GFAP: variants seen among roughly 807,000 people sequenced by gnomAD.
GFAP encodes the protein intermediate filament protein.
GFAP carries 38 observed loss-of-function variants against 49.3 expected under a neutral mutation model. The observed-to-expected ratio is 0.77, with a 90% CI of 0.60 to 1.01. GFAP has a LOEUF of 1.01. GFAP is among the 50% of genes least tolerant of loss of function. The probability of loss-of-function intolerance (pLI) is 0.00; values close to 1 mark genes in which losing one functional copy is unlikely to be tolerated. For synonymous variants in GFAP, 222 were observed against 236.4 expected (o/e 0.94, Z 0.56); for missense variants, 463 against 579.1 (o/e 0.80, Z 2.06).
Position 44,915,105 on chromosome 17 carries a change from C to G in GFAP, c.382G>C (p.Asp128His). Residue 128 changes from aspartate (D) to histidine (H), a missense_variant, in exon 1 of 9, where the codon GAT (aspartate) becomes CAT (histidine). Coordinates refer to ENST00000588735, the MANE Select transcript of GFAP (RefSeq NM_002055.5). The surrounding 1 kb of genome is among the most constrained non-coding windows in gnomAD (Gnocchi z 4.1). ...CGGGCGCTGTTGGCGGTGAGTTGAT[C>G]GAGCCGCAGCCGCAGCTCTCGCAGC... ...AELRELRLRL[D>H]QLTANSARLE... The G allele has an allele frequency of 8.1e-6, 13 of 1,613,304 alleles. No homozygotes were observed. The highest frequency in any genetic ancestry group is 1.1e-5 in the Non-Finnish European group (13 of 1,179,936).
At chr17:44,907,756 C>T in intron 8 of GFAP, 2 of 556,124 alleles carry the variant, frequency 3.6e-6, no homozygotes, top group South Asian at 2.0e-5. Flanking sequence ...GAAGTGAAAG[C>T]TACTAACTTT....
In GFAP at chr17:44,904,417, G is replaced by A; in HGVS notation, c.*2930C>T. 1 of 1,542,526 alleles carries A rather than the reference G, an allele frequency of 6.5e-7. No homozygotes were observed. The highest frequency in any genetic ancestry group is 8.8e-7 in the Non-Finnish European group (1 of 1,140,964). On this transcript the variant is annotated 3_prime_UTR_variant, in exon 9 of 9. Transcript: ENST00000588735. ...GGCGCATCGGCCTCTGCTACCTGCA[G>A]AGCCCAGACCTCTCCCCACGCTACC...
In GFAP at chr17:44,904,024, G is replaced by C. The variant is rs2051607703; in HGVS notation, c.*3323C>G. 2 of 1,550,650 alleles carry C rather than the reference G, an allele frequency of 1.3e-6. No individual in the cohort carries two copies. The highest frequency in any genetic ancestry group is 4.9e-5 in the East Asian group (2 of 40,926). On this transcript the variant is annotated 3_prime_UTR_variant, in exon 9 of 9. Transcript: ENST00000588735. ...CCGAAGAGGTGCCAGCTGTAGTCTG[G>C]TTCTACCAAAAGCACCTAGGTAGCA...
At chr17:44,911,141 C>T in intron 6 of GFAP, 95 bp downstream of exon 6, 3 of 1,127,488 alleles carry the variant, frequency 2.7e-6, no homozygotes, top group Non-Finnish European at 4.0e-6. Flanking sequence ...GATCTGCACA[C>T]AAGGCTGAAA....
In GFAP at chr17:44,915,201, C is replaced by T. The variant is rs768288825; in HGVS notation, c.286G>A (p.Ala96Thr). 1.2e-6 allele frequency: 2 copies of T among 1,614,112 alleles called. No homozygotes were observed. Among genetic ancestry groups the T allele is most frequent in the Non-Finnish European group, 1.7e-6 (2 of 1,180,054 alleles). Residue 96 changes from alanine to threonine, a missense_variant, in exon 1 of 9, where the codon GCG becomes ACG. Ala to Thr is a moderately conservative substitution (Grantham distance 58). This residue lies in a region of GFAP where 362 missense variants were observed against 445.5 expected (regional missense o/e 0.81). Coordinates refer to ENST00000588735, the MANE Select transcript of GFAP (RefSeq NM_002055.5). This position sits in a 1 kb window ranked among gnomAD's most constrained non-coding sequence, Gnocchi z 4.1. ...KVRFLEQQNK[A>T]LAAELNQLRA... is the part of the protein sequence containing the mutation. ...AGCTGGTTCAGCTCAGCAGCCAGCG[C>T]CTTGTTTTGCTGTTCCAGGAAGCGA...
Position 44,905,174 on chromosome 17 carries a change from CAT to C in GFAP, c.*2171_*2172del, listed in dbSNP as rs2051636167. ...CCTGGGTTGGGACAGGTGGTAGGAA[CAT>C]GTGGACAAATCTGTTACAGCCTGCT... On this transcript the variant is annotated 3_prime_UTR_variant, in exon 9 of 9. Coordinates refer to ENST00000588735, the MANE Select transcript of GFAP (RefSeq NM_002055.5). 1.1e-6 allele frequency: 1 copy of C among 876,104 alleles called. No individual in the cohort carries two copies. Among genetic ancestry groups the C allele is most frequent in the Non-Finnish European group, 1.8e-6 (1 of 571,034 alleles). 54.3% of individuals were successfully genotyped at this position (876,104 alleles called of 1,614,324 possible). A position where few individuals can be genotyped will look rare whatever the true frequency, so the allele number is the denominator to read the frequency against.
chr17:44,910,417 CAG>C, intron 7 of GFAP, 196 bp downstream of exon 7: 1 of 1,594,500 alleles, frequency 6.3e-7, no homozygotes, highest in Non-Finnish European at 8.5e-7. Flanking sequence ...CCTAGCAGGA[CAG>C]GGGCAGCTGC....
At chr17:44,914,750 G>A (rs535419636) in intron 1 of GFAP, 5 of 517,444 alleles carry the variant, frequency 9.7e-6, no homozygotes, top group Non-Finnish European at 1.7e-5. Context: ...TGAAACACAG[G>A]GGCCCCGCTG....
intron 1 of GFAP, chr17:44,914,678 A>C: frequency 3.0e-6 from 1 of 329,718 alleles, no homozygotes; most frequent in Non-Finnish European, 5.7e-6. Flanking sequence ...CTCCTCCTTT[A>C]TATGGACACA....
Position 44,913,444 on chromosome 17 carries a change from G to A in GFAP, c.619-14C>T. 5 of 1,613,380 alleles carry A rather than the reference G, an allele frequency of 3.1e-6. No homozygotes were observed. Among genetic ancestry groups the A allele is most frequent in the Non-Finnish European group, 4.2e-6 (5 of 1,179,772 alleles). On this transcript the variant is annotated splice_polypyrimidine_tract_variant and intron_variant, in intron 3 of 8. Coordinates refer to ENST00000588735, the MANE Select transcript of GFAP (RefSeq NM_002055.5). ...TTCCCGAACCTCCTGACCAGGGTGA[G>A]AGAAGCGGTACCAGGGCTCAGGGTA...
rs983864291 is a variant in GFAP, at chr17:44,904,750, C to G, written c.*2597G>C. 8.4e-6 allele frequency: 13 copies of G among 1,550,520 alleles called. No homozygotes were observed. Among genetic ancestry groups the G allele is most frequent in the East Asian group, 2.4e-5 (1 of 40,936 alleles). On this transcript the variant is annotated 3_prime_UTR_variant, in exon 9 of 9. Coordinates refer to ENST00000588735, the MANE Select transcript of GFAP (RefSeq NM_002055.5). ...CCTGGGACAAAGACCGCCAGCACCT[C>G]TACCGCACACAGTACCTGAAGGGTG...
At position 44,915,354 on chromosome 17, in the gene GFAP, G is replaced by A; in HGVS notation, c.133C>T (p.Pro45Ser). 6.2e-7 allele frequency: 1 copy of A among 1,611,836 alleles called. No individual in the cohort carries two copies. Among genetic ancestry groups the A allele is most frequent in the Non-Finnish European group, 8.5e-7 (1 of 1,178,336 alleles). Residue 45 changes from proline (P) to serine (S), a missense_variant, in exon 1 of 9, where the codon CCA becomes TCA. Transcript: ENST00000588735. This position sits in a 1 kb window ranked among gnomAD's most constrained non-coding sequence, Gnocchi z 4.1. ...GAGAAATCCACCCGGGTCGGGAGTGGAGGGGGCATTCGAGCCAGGGAGAGG... is the reference window on the plus strand; with the variant it reads ...GAGAAATCCACCCGGGTCGGGAGTGAAGGGGGCATTCGAGCCAGGGAGAGG... ...TRLSLARMPP[P>S]LPTRVDFSLA...
chr17:44,911,431 C>A lies in GFAP; in HGVS notation c.932G>T (p.Arg311Leu). The A allele has an allele frequency of 1.2e-6, 2 of 1,610,894 alleles. No homozygotes were observed. Among genetic ancestry groups the A allele is most frequent in the African/African-American group, 2.7e-5 (2 of 75,018 alleles). Residue 311 changes from arginine to leucine, a missense_variant, in exon 6 of 9, where the codon CGC (arginine) becomes CTC (leucine). Coordinates refer to ENST00000588735, the MANE Select transcript of GFAP (RefSeq NM_002055.5). ...GTNESLERQM[R>L]EQEERHVREA... ...CCGCACGTGCCGCTCCTCCTGCTCG[C>A]GCATCTGCCTCTCCAGGGACTCGTT...
At chr17:44,911,848 G>A in intron 4 of GFAP, 51 bp from the exon 5 acceptor site, 1 of 1,585,376 alleles carries the variant, frequency 6.3e-7, no homozygotes, top group South Asian at 1.1e-5. Context: ...GGCAGGCACG[G>A]GCTCTGGGAA....
In GFAP at chr17:44,903,202, C is replaced by G. The variant is rs895306358; in HGVS notation, c.*4145G>C. ...ATCTTTATGGTAAACAAACACTGAT[C>G]TCCACAGCTCTTAACAAGAATGTTT... is the stretch of plus-strand genomic sequence containing the variant. On this transcript the variant is annotated 3_prime_UTR_variant, in exon 9 of 9. Coordinates refer to ENST00000588735, the MANE Select transcript of GFAP (RefSeq NM_002055.5). 2.4e-6 allele frequency: 3 copies of G among 1,264,124 alleles called. No individual in the cohort carries two copies. In the African/African-American group the frequency reaches 4.6e-5, roughly 19 times the overall value. The allele number at this position is 1,264,124 out of a possible 1,614,324, so 78.3% of individuals were successfully genotyped here. A position where few individuals can be genotyped will look rare whatever the true frequency, so the allele number is the denominator to read the frequency against.
At chr17:44,910,821 G>A in intron 6 of GFAP, 163 bp from the exon 7 acceptor site, 1 of 984,956 alleles carries the variant, frequency 1.0e-6, no homozygotes, top group Non-Finnish European at 1.5e-6. Context: ...GCTATCTGGA[G>A]TTCCAAACGT....
rs1278363777 is a variant in GFAP, at chr17:44,905,822, C to A, written c.*1525G>T. On this transcript the variant is annotated 3_prime_UTR_variant, in exon 9 of 9. Transcript: ENST00000588735. ...GAACCCTGAAGTGGGCCCTCCCAGTCCCATCTCTGGGCACAGATCCCACCA... is the reference window on the plus strand; with the variant it reads ...GAACCCTGAAGTGGGCCCTCCCAGTACCATCTCTGGGCACAGATCCCACCA... 6.6e-6 allele frequency: 1 copy of A among 152,600 alleles called. No homozygotes were observed. The highest frequency in any genetic ancestry group is 2.4e-5 in the African/African-American group (1 of 41,410). The allele number at this position is 152,600 out of a possible 1,614,324, so 9.5% of individuals were successfully genotyped here. A position where few individuals can be genotyped will look rare whatever the true frequency, so the allele number is the denominator to read the frequency against.
chr17:44,915,430 C>T lies in GFAP; in HGVS notation c.57G>A (p.Glu19=). Residue 19 remains glutamate (E), a synonymous_variant, in exon 1 of 9, where the codon GAG becomes GAA. Coordinates refer to ENST00000588735, the MANE Select transcript of GFAP (RefSeq NM_002055.5). This position sits in a 1 kb window ranked among gnomAD's most constrained non-coding sequence, Gnocchi z 4.1. ...AARRSYVSSG[E]MMVGGLAPGR... is the part of the protein sequence containing the mutation. ...CAGGAGCCAGGCCCCCCACCATCAT[C>T]TCCCCTGAGGAGACGTAGGAGCGGC... The T allele has an allele frequency of 1.1e-5, 18 of 1,609,018 alleles. No individual in the cohort carries two copies. Among genetic ancestry groups the T allele is most frequent in the Non-Finnish European group, 1.5e-5 (18 of 1,177,514 alleles).
In GFAP at chr17:44,911,303, T is replaced by C; in HGVS notation, c.1060A>G (p.Asn354Asp). Residue 354 changes from asparagine (N) to aspartate (D), a missense_variant, in exon 6 of 9, where the codon AAT (asparagine) becomes GAT (aspartate). By Grantham distance (23) the Asn-to-Asp change is conservative (BLOSUM62 1). Coordinates refer to ENST00000588735, the MANE Select transcript of GFAP (RefSeq NM_002055.5). The stretch of plus-strand genomic sequence containing the variant: ...TCGATGTCCAGGGCCAGCTTGACAT[T>C]GAGCAGGTCCTGGTACTCCTGCAAG... The part of the protein sequence containing the change: ...RHLQEYQDLL[N>D]VKLALDIEIA... The C allele has an allele frequency of 1.2e-6, 2 of 1,614,090 alleles. No individual in the cohort carries two copies. Among genetic ancestry groups the C allele is most frequent in the South Asian group, 1.1e-5 (1 of 91,078 alleles).
Sources: allele counts gnomAD v4.1 joint callset, GRCh38; gene constraint gnomAD v4.1.1; regional missense constraint gnomAD v4.1.1; non-coding constraint Gnocchi (gnomAD v3.1); transcripts MANE v1.5; gene names NCBI Gene and HGNC (gene_info 2026-07-23, HGNC 2026-07-21).